The following IQCJ variants were observed in gnomAD, a reference collection of about 807,000 sequenced individuals.
IQCJ encodes IQ motif containing J, also known as IQ domain-containing protein J.
Under a neutral mutation model 11.0 loss-of-function variants are expected in IQCJ, and 9 were observed. That is an observed-to-expected ratio of 0.82 (90% CI 0.49 to 1.43). The LOEUF (loss-of-function observed/expected upper bound fraction) is 1.43, where lower values mean the gene tolerates loss of function less well. Ranked by LOEUF, IQCJ falls within the 40% of genes most tolerant of loss-of-function variation. The pLI is 0.00. For missense variants in IQCJ, 146 were observed against 133.2 expected (o/e 1.10, Z -0.47); for synonymous variants, 55 against 51.3 (o/e 1.07, Z -0.31).
intron 1 of IQCJ, among the ~76,000 whole-genome samples, chr3:159,110,571 C>A (rs1354621374): frequency 1.3e-5 from 2 of 152,138 alleles, no homozygotes; most frequent in Admixed American, 1.3e-4. Flanking sequence ...TATTCTGTGG[C>A]CTTACACGCC....
At chr3:159,110,625 C>T (rs74806149) in intron 1 of IQCJ, among the ~76,000 whole-genome samples, 6,304 of 152,154 alleles carry the variant, frequency 0.041, 424 homozygotes, top group African/African-American at 0.14. Flanking sequence ...TTGTGTAGAC[C>T]GTGACTGTTA....
chr3:159,121,623 C>T (rs981510787), intron 1 of IQCJ, among the ~76,000 whole-genome samples: 9 of 152,112 alleles, frequency 5.9e-5, no homozygotes, highest in Non-Finnish European at 1.3e-4. Context: ...TTATAACTGG[C>T]CTAAAAATTA....
chr3:159,256,738 C>T (rs1642408380), intron 3 of IQCJ, among the ~76,000 whole-genome samples: 1 of 152,172 alleles, frequency 6.6e-6, no homozygotes, highest in Non-Finnish European at 1.5e-5. Context: ...CTTTTTCAAA[C>T]ATATTTTTAT....
chr3:159,187,316 C>A (rs1280909245), intron 1 of IQCJ, among the ~76,000 whole-genome samples: 1 of 152,182 alleles, frequency 6.6e-6, no homozygotes, highest in Non-Finnish European at 1.5e-5. Context: ...GGACTTTTGA[C>A]CTCTACTTGG....
At chr3:159,239,774 C>A (rs1577105973) in intron 1 of IQCJ, among the ~76,000 whole-genome samples, 1 of 152,106 alleles carries the variant, frequency 6.6e-6, no homozygotes, top group South Asian at 2.1e-4. Flanking sequence ...TTTTACTGTA[C>A]TTTTTCTAGA....
At chr3:159,190,805 C>G (rs528845136) in intron 1 of IQCJ, among the ~76,000 whole-genome samples, 3 of 152,206 alleles carry the variant, frequency 2.0e-5, no homozygotes, top group African/African-American at 7.2e-5. Flanking sequence ...TAGTAGCTAC[C>G]CTGTAGGCTT....
chr3:159,079,272 A>C (rs554275425), intron 1 of IQCJ, among the ~76,000 whole-genome samples: 1 of 152,244 alleles, frequency 6.6e-6, no homozygotes, highest in South Asian at 2.1e-4. Flanking sequence ...GATCAACAGT[A>C]AGACGAGGGA....
chr3:159,205,371 A>G (rs1026443762), intron 1 of IQCJ, among the ~76,000 whole-genome samples: 1 of 152,190 alleles, frequency 6.6e-6, no homozygotes, highest in Non-Finnish European at 1.5e-5. Context: ...CCCAGCATCA[A>G]TGTGTGACAA....
intron 1 of IQCJ, among the ~76,000 whole-genome samples, chr3:159,222,857 C>A (rs1488326386): frequency 6.6e-6 from 1 of 151,898 alleles, no homozygotes; most frequent in Non-Finnish European, 1.5e-5. Context: ...TCTGTATGTA[C>A]CTGAGATTAC....
At chr3:159,180,857 T>A (rs911867352) in intron 1 of IQCJ, among the ~76,000 whole-genome samples, 5 of 152,018 alleles carry the variant, frequency 3.3e-5, no homozygotes, top group Admixed American at 2.0e-4. Flanking sequence ...TTTCTAGATA[T>A]ATGTTTTTAA....
rs1718972389 is a variant in IQCJ, at chr3:159,116,008, G to T, written c.9+46567G>T. ...TGGGTGCAGCAAACCACCATGGCAT[G>T]TGTATAACTATGTAACAAACCTGCA... On this transcript the variant is annotated intron_variant, in intron 1 of 3. Transcript: ENST00000397832. Among the ~76,000 whole-genome samples the T allele has an allele frequency of 2.0e-5, 3 of 152,230 alleles. No homozygotes were observed. The South Asian group carries it at 6.2e-4, about 32-fold the overall frequency.
intron 1 of IQCJ, among the ~76,000 whole-genome samples, chr3:159,087,284 G>T (rs1443032509): frequency 6.6e-5 from 10 of 151,674 alleles, no homozygotes; most frequent in African/African-American, 2.4e-4. Flanking sequence ...GATCATGGTG[G>T]ATAAGCTTTT....
intron 3 of IQCJ, among the ~76,000 whole-genome samples, chr3:159,254,603 A>G (rs1047916331): frequency 6.6e-6 from 1 of 152,194 alleles, no homozygotes; most frequent in African/African-American, 2.4e-5. Flanking sequence ...CTTAACTCTC[A>G]TGGCAGGTTG....
intron 1 of IQCJ, among the ~76,000 whole-genome samples, chr3:159,140,358 C>T (rs1213363558): frequency 6.6e-6 from 1 of 152,084 alleles, no homozygotes; most frequent in African/African-American, 2.4e-5. Flanking sequence ...CCCAGTAACC[C>T]CTGGAGAAGG....
chr3:159,236,505 A>G (rs1726601490), intron 1 of IQCJ, among the ~76,000 whole-genome samples: 1 of 151,932 alleles, frequency 6.6e-6, no homozygotes, highest in Admixed American at 6.6e-5. Context: ...AGAGGTTTGG[A>G]CTCCCTCCAA....
At chr3:159,190,664 C>T (rs1381420034) in intron 1 of IQCJ, among the ~76,000 whole-genome samples, 6 of 152,192 alleles carry the variant, frequency 3.9e-5, no homozygotes, top group African/African-American at 1.4e-4. Context: ...GAGTCAGCAT[C>T]CTGGGGTCAT....
At chr3:159,076,404 A>G (rs1223594616) in intron 1 of IQCJ, among the ~76,000 whole-genome samples, 8 of 152,142 alleles carry the variant, frequency 5.3e-5, no homozygotes, top group African/African-American at 1.4e-4. Context: ...CTGATGAAGG[A>G]AGAACTAGAT....
chr3:159,253,444 C>T (rs1042785315), intron 3 of IQCJ, among the ~76,000 whole-genome samples: 23 of 152,036 alleles, frequency 1.5e-4, no homozygotes, highest in Non-Finnish European at 2.9e-5. Flanking sequence ...CTTCTAAAAC[C>T]ATTTTAAGTA....
intron 1 of IQCJ, among the ~76,000 whole-genome samples, chr3:159,128,955 A>G (rs73027653): frequency 0.044 from 6,659 of 151,934 alleles, 515 homozygotes; most frequent in African/African-American, 0.15. Flanking sequence ...TCAGAACTCT[A>G]TTTCTTTTTT....
Sources: gnomAD v4.1 joint callset for allele counts (sites outside exome capture counted in the v4.1 genomes callset) on GRCh38, gnomAD v4.1.1 for gene constraint, MANE v1.5 for transcripts, NCBI Gene and HGNC (gene_info 2026-07-23, HGNC 2026-07-21) for gene names.